PKD2L2: variants seen among roughly 807,000 people sequenced by gnomAD.
PKD2L2 encodes polycystin 2 like 2, transient receptor potential cation channel.
Under a neutral mutation model 83.9 loss-of-function variants are expected in PKD2L2, and 67 were observed. The observed-to-expected ratio is 0.80, with a 90% CI of 0.66 to 0.98. PKD2L2 has a LOEUF of 0.98. Among genes scored for constraint, PKD2L2 ranks in the 50% least tolerant of loss-of-function variants. PKD2L2 has a pLI of 0.00. For missense variants in PKD2L2, 632 were observed against 717.2 expected, an observed-to-expected ratio of 0.88 and a Z score of 1.36; for synonymous variants, 223 against 237.8, an observed-to-expected ratio of 0.94 and a Z score of 0.57.
chr5:137,921,664 G>A lies in PKD2L2; in HGVS notation c.1357G>A (p.Asp453Asn). 1 of 1,597,752 alleles carries A rather than the reference G, an allele frequency of 6.3e-7. No individual in the cohort carries two copies. Among genetic ancestry groups the A allele is most frequent in the Non-Finnish European group, 8.6e-7 (1 of 1,169,452 alleles). ...TGCACAATTTCGAATTGTTCTTGGAGATTTTAATTTTGCTGGTATTCAGCA... is the reference window on the plus strand; with the variant it reads ...TGCACAATTTCGAATTGTTCTTGGAAATTTTAATTTTGCTGGTATTCAGCA... ...IFAQFRIVLG[D>N]FNFAGIQQAN... Residue 453 changes from aspartate (D) to asparagine (N), a missense_variant, in exon 9 of 15, where the codon GAT becomes AAT. Asp to Asn is a conservative substitution (Grantham distance 23). Around this residue, in one of 3 missense-constraint regions of PKD2L2, gnomAD observed 399 missense variants for 416.9 expected, o/e 0.96. Transcript: ENST00000508883.
intron 8 of PKD2L2, among the ~76,000 whole-genome samples, chr5:137,910,752 C>T (rs1175318868): frequency 6.7e-6 from 1 of 149,522 alleles, no homozygotes; most frequent in African/African-American, 2.5e-5. Flanking sequence ...GCACTCCAGC[C>T]TGGGCGACAG....
At chr5:137,938,695 G>A (rs1760832093) in intron 14 of PKD2L2, 1 of 151,610 alleles carries the variant, frequency 6.6e-6, no homozygotes. Flanking sequence ...GAAATGTGAA[G>A]TACTAGAACT....
At chr5:137,891,670 A>C (rs1344162824) in intron 2 of PKD2L2, among the ~76,000 whole-genome samples, 1 of 151,952 alleles carries the variant, frequency 6.6e-6, no homozygotes, top group East Asian at 1.9e-4. Flanking sequence ...AGCAACCTGA[A>C]TCTCCATTTA....
At chr5:137,916,479 T>TC (rs1758363689) in intron 8 of PKD2L2, among the ~76,000 whole-genome samples, 1 of 142,050 alleles carries the variant, frequency 7.0e-6, no homozygotes, top group South Asian at 2.3e-4. Context: ...TTTCTTCTTT[T>TC]TTTTTTTTTT....
intron 8 of PKD2L2, among the ~76,000 whole-genome samples, chr5:137,912,114 T>C (rs1313892183): frequency 2.6e-5 from 4 of 152,190 alleles, no homozygotes; most frequent in African/African-American, 9.7e-5. Flanking sequence ...TGCAGTGACA[T>C]GGGAGGGCAG....
chr5:137,896,341 C>T (rs1756469747), intron 4 of PKD2L2, among the ~76,000 whole-genome samples: 1 of 152,102 alleles, frequency 6.6e-6, no homozygotes. Context: ...CTGGTATATA[C>T]TTTGTCTTTC....
intron 5 of PKD2L2, among the ~76,000 whole-genome samples, chr5:137,900,104 G>A (rs1048858821): frequency 6.6e-6 from 1 of 152,148 alleles, no homozygotes; most frequent in Non-Finnish European, 1.5e-5. Context: ...GGCACCATTT[G>A]CAGTCAAGAA....
intron 5 of PKD2L2, among the ~76,000 whole-genome samples, chr5:137,905,551 C>G (rs563610995): frequency 6.6e-6 from 1 of 152,130 alleles, no homozygotes; most frequent in Non-Finnish European, 1.5e-5. Context: ...GCTGGTTCCT[C>G]AAATTGCCAC....
chr5:137,941,187 C>A (rs939317942), intron 14 of PKD2L2, among the ~76,000 whole-genome samples: 5 of 152,102 alleles, frequency 3.3e-5, no homozygotes, highest in Non-Finnish European at 7.4e-5. Context: ...GTATTACAGA[C>A]GTGAGCCACT....
chr5:137,898,104 T>C (rs1388221084), intron 4 of PKD2L2, among the ~76,000 whole-genome samples: 5 of 151,828 alleles, frequency 3.3e-5, no homozygotes, highest in African/African-American at 9.7e-5. Context: ...ATAGGTGGTA[T>C]AACAGGCATG....
At chr5:137,902,123 CAT>C (rs1364308227) in intron 5 of PKD2L2, among the ~76,000 whole-genome samples, 2 of 151,950 alleles carry the variant, frequency 1.3e-5, no homozygotes, top group East Asian at 1.9e-4. Flanking sequence ...AGAAGGAAAA[CAT>C]AGAAACAGAA....
At chr5:137,929,552 A>AC (rs1759681862) in intron 12 of PKD2L2, among the ~76,000 whole-genome samples, 2 of 148,508 alleles carry the variant, frequency 1.3e-5, no homozygotes, top group East Asian at 3.9e-4. Flanking sequence ...AAAAAAAAAA[A>AC]AAAAAAACAG....
intron 8 of PKD2L2, among the ~76,000 whole-genome samples, chr5:137,913,644 C>T (rs993705105): frequency 2.6e-5 from 4 of 152,038 alleles, no homozygotes; most frequent in Admixed American, 2.0e-4. Context: ...GCACATGCCA[C>T]CACACCCAGC....
chr5:137,935,858 C>T lies in PKD2L2; in HGVS notation c.1733C>T (p.Ser578Phe). The T allele has an allele frequency of 1.9e-6, 3 of 1,611,406 alleles. No homozygotes were observed. Among genetic ancestry groups the T allele is most frequent in the Non-Finnish European group, 2.5e-6 (3 of 1,177,568 alleles). Residue 578 changes from serine to phenylalanine, a missense_variant, in exon 13 of 15, where the codon TCT becomes TTT. Ser to Phe is a radical substitution (Grantham distance 155). Around this residue, in one of 3 missense-constraint regions of PKD2L2, gnomAD observed 399 missense variants for 416.9 expected, o/e 0.96. Coordinates refer to ENST00000508883, the MANE Select transcript of PKD2L2 (RefSeq NM_001300921.2). ...GAGAGGCTTGAGAAAAAGTATTATT[C>T]TATGGAAATTCAAGATGACTACCAG... The part of the protein sequence containing the change: ...WKERLEKKYY[S>F]MEIQDDYQPV...
chr5:137,928,897 A>T (rs976625722), intron 12 of PKD2L2, among the ~76,000 whole-genome samples: 1 of 151,852 alleles, frequency 6.6e-6, no homozygotes, highest in Non-Finnish European at 1.5e-5. Flanking sequence ...TTTAAAACAC[A>T]TTTTTTTTCA....
chr5:137,921,362 GA>G (rs66968280), intron 8 of PKD2L2, among the ~76,000 whole-genome samples: 1 of 144,760 alleles, frequency 6.9e-6, no homozygotes, highest in African/African-American at 2.6e-5. Flanking sequence ...CTGTCTCAAA[GA>G]AAAAAAAAAA....
At chr5:137,904,223 A>G (rs970209987) in intron 5 of PKD2L2, among the ~76,000 whole-genome samples, 1 of 152,236 alleles carries the variant, frequency 6.6e-6, no homozygotes, top group Non-Finnish European at 1.5e-5. Flanking sequence ...CATGGGAGTC[A>G]GAATCAAGCA....
Position 137,907,834 on chromosome 5 carries a change from A to G in PKD2L2, c.1068A>G (p.Ser356=), listed in dbSNP as rs765004861. Residue 356 remains serine (S), a synonymous_variant, in exon 7 of 15, where the codon TCA becomes TCG. Coordinates refer to ENST00000508883, the MANE Select transcript of PKD2L2 (RefSeq NM_001300921.2). ...GQLLKSTEKY[S]DFYFLACWHI... ...TGTTGAAAAGTACTGAAAAATATTC[A>G]GATTTCTATTTTCTTGCATGCTGGC... The G allele has an allele frequency of 1.2e-5, 19 of 1,563,390 alleles. No homozygotes were observed. The Admixed American group carries it at 3.0e-4, about 25-fold the overall frequency.
chr5:137,940,230 T>A, intron 14 of PKD2L2: 1 of 1,614,034 alleles, frequency 6.2e-7, no homozygotes, highest in Non-Finnish European at 8.5e-7. Context: ...GTATCTTATA[T>A]GGATTTTGAA....
Sources: gnomAD v4.1 joint callset for allele counts (sites outside exome capture counted in the v4.1 genomes callset) on GRCh38, gnomAD v4.1.1 for gene constraint, gnomAD v4.1.1 regional missense constraint, MANE v1.5 for transcripts, NCBI Gene and HGNC (gene_info 2026-07-23, HGNC 2026-07-21) for gene names.